ANKRD13A: variants seen among roughly 807,000 people sequenced by gnomAD.
The protein encoded by ANKRD13A is ankyrin repeat domain-containing protein 13A.
Under a neutral mutation model 81.3 loss-of-function variants are expected in ANKRD13A, and 48 were observed. The ratio of observed to expected loss-of-function variants is 0.59; its 90% CI spans 0.47 to 0.75. The LOEUF is 0.75. Ranked by LOEUF, ANKRD13A falls within the 30% of genes least tolerant of loss-of-function variation. The probability of loss-of-function intolerance (pLI) is 0.00; values close to 1 mark genes in which losing one functional copy is unlikely to be tolerated. For synonymous variants in ANKRD13A, 230 were observed against 270.1 expected (o/e 0.85, Z 1.45); for missense variants, 612 against 734.0 (o/e 0.83, Z 1.92).
At chr12:110,021,425 C>CTTTTTTTTTTTTTTTTTT (rs59262099) in intron 6 of ANKRD13A, 1 of 129,926 alleles carries the variant, frequency 7.7e-6, no homozygotes, top group Non-Finnish European at 1.6e-5. Context: ...TTTTTTCTTT[C>CTTTTTTTTTTTTTTTTTT]TTTTTTTTTT....
chr12:110,024,041 A>G lies in ANKRD13A; in HGVS notation c.735-5A>G, dbSNP rs1891202442. On this transcript the variant is annotated splice_polypyrimidine_tract_variant and splice_region_variant and intron_variant, in intron 6 of 14. Transcript: ENST00000261739. Reference sequence around the variant, plus strand: ...TAGAAATTTGTGGTGTTCACTTTTTATCAGAACTAAATCCGGATTCTGGGG... The same window carrying G: ...TAGAAATTTGTGGTGTTCACTTTTTGTCAGAACTAAATCCGGATTCTGGGG... The G allele has an allele frequency of 4.3e-6, 7 of 1,613,464 alleles. No homozygotes were observed. Among genetic ancestry groups the G allele is most frequent in the South Asian group, 1.1e-5 (1 of 90,952 alleles).
intron 8 of ANKRD13A, chr12:110,027,437 G>T (rs1292928425): frequency 7.2e-5 from 29 of 400,246 alleles, no homozygotes; most frequent in Non-Finnish European, 1.3e-4. Flanking sequence ...GGTGGGGTTG[G>T]AATCCAGGTC....
intron 1 of ANKRD13A, among the ~76,000 whole-genome samples, chr12:110,007,675 A>T (rs1438886794): frequency 6.6e-6 from 1 of 152,040 alleles, no homozygotes; most frequent in Non-Finnish European, 1.5e-5. Context: ...CCACCACACC[A>T]GGCCAGTTCT....
intron 3 of ANKRD13A, among the ~76,000 whole-genome samples, chr12:110,015,793 C>T (rs1467943159): frequency 2.6e-5 from 4 of 151,948 alleles, no homozygotes; most frequent in Admixed American, 6.6e-5. Flanking sequence ...CTCATCCACC[C>T]GCCTCGGCCT....
rs1044994 is a variant in ANKRD13A at position 110,038,790 on chromosome 12, T to A, written c.*1236T>A. On this transcript the variant is annotated 3_prime_UTR_variant, in exon 15 of 15. Transcript: ENST00000261739. Reference sequence around the variant, plus strand: ...CTCTCTTTTGTCAAACCCTCTTGTATATAACCATCGCACAACATACAGAAC... The same window carrying A: ...CTCTCTTTTGTCAAACCCTCTTGTAAATAACCATCGCACAACATACAGAAC... The A allele has an allele frequency of 0.19, 28,492 of 152,206 alleles. 4,903 individuals carry two copies. The highest frequency in any genetic ancestry group is 0.46 in the African/African-American group (19,229 of 41,426). The allele number at this position is 152,206 out of a possible 1,614,324, so 9.4% of individuals were successfully genotyped here.
chr12:110,023,452 G>A (rs139629684), intron 6 of ANKRD13A, among the ~76,000 whole-genome samples: 16 of 152,244 alleles, frequency 1.1e-4, no homozygotes, highest in Admixed American at 7.8e-4. Context: ...CACATCCTTT[G>A]CCCTGCTGCA....
At position 109,999,638 on chromosome 12, in the gene ANKRD13A, G is replaced by C. The variant is rs1889835130; in HGVS notation, c.-51G>C. The C allele has an allele frequency of 1.4e-6, 2 of 1,444,574 alleles. No homozygotes were observed. Among genetic ancestry groups the C allele is most frequent in the African/African-American group, 1.5e-5 (1 of 68,194 alleles). The allele number at this position is 1,444,574 out of a possible 1,614,324, so 89.5% of individuals were successfully genotyped here. A position where few individuals can be genotyped will look rare whatever the true frequency, so the allele number is the denominator to read the frequency against. Reference sequence around the variant, plus strand: ...GCAGGCGGGCGCGGGAGACCCCGCCGGGGCCGAGACTTGGGGCGGGCGACG... The same window carrying C: ...GCAGGCGGGCGCGGGAGACCCCGCCCGGGCCGAGACTTGGGGCGGGCGACG... On this transcript the variant is annotated 5_prime_UTR_variant, in exon 1 of 15. Coordinates refer to ENST00000261739, the MANE Select transcript of ANKRD13A (RefSeq NM_033121.2). The surrounding 1 kb of genome is among the most constrained non-coding windows in gnomAD (Gnocchi z 4.3).
intron 6 of ANKRD13A, chr12:110,021,806 GC>G (rs1438314147): frequency 6.6e-6 from 1 of 152,122 alleles, no homozygotes; most frequent in Non-Finnish European, 1.5e-5. Flanking sequence ...TTAATACCCT[GC>G]CCTGATGAAT....
chr12:109,999,238 T>A (rs934368451), upstream of ANKRD13A: 1 of 152,758 alleles, frequency 6.5e-6, no homozygotes, highest in Non-Finnish European at 1.4e-5. The surrounding 1 kb of genome is among the most constrained non-coding windows in gnomAD (Gnocchi z 4.3). Flanking sequence ...GACGGAACTT[T>A]CCGCGTGGAG....
chr12:110,000,817 G>A (rs1889923601), intron 1 of ANKRD13A, among the ~76,000 whole-genome samples: 1 of 149,504 alleles, frequency 6.7e-6, no homozygotes, highest in Non-Finnish European at 1.5e-5. Flanking sequence ...GAGTGCAATG[G>A]TGCGATCTCG....
chr12:110,034,547 C>T (rs901152783), intron 13 of ANKRD13A, among the ~76,000 whole-genome samples: 1 of 152,164 alleles, frequency 6.6e-6, no homozygotes, highest in Non-Finnish European at 1.5e-5. Flanking sequence ...AGAGATCCTC[C>T]CACCTCAGCC....
intron 1 of ANKRD13A, 126 bp from the exon 2 acceptor site, chr12:110,011,879 C>T: frequency 1.1e-6 from 1 of 870,370 alleles, no homozygotes; most frequent in African/African-American, 1.7e-5. Flanking sequence ...TACCTTCTTA[C>T]ATGTGTTGCT....
rs36087331 is a variant in ANKRD13A, at chr12:110,033,921, C to T, written c.1473C>T (p.Ala491=). 726 of 1,611,116 alleles carry T rather than the reference C, an allele frequency of 4.5e-4. No individual in the cohort carries two copies. The highest frequency in any genetic ancestry group is 5.7e-4 in the Non-Finnish European group (670 of 1,178,630). ...AAGATTACGAGATAATGCAGTTTGC[C>T]ATCCAGCAAAGTCTGCTGGAGTCCA... ...QDEDYEIMQF[A]IQQSLLESSR... Residue 491 remains alanine (A), a synonymous_variant, in exon 13 of 15, where the codon GCC becomes GCT. Coordinates refer to ENST00000261739, the MANE Select transcript of ANKRD13A (RefSeq NM_033121.2).
chr12:110,016,622 A>T (rs961629588), intron 4 of ANKRD13A, among the ~76,000 whole-genome samples, 189 bp downstream of exon 4: 2 of 152,134 alleles, frequency 1.3e-5, no homozygotes, highest in Non-Finnish European at 2.9e-5. Flanking sequence ...GGTGTTTTTC[A>T]TCCGGTCTTC....
At chr12:110,037,292 G>C (rs1892120951) in intron 14 of ANKRD13A, 67 bp from the exon 15 acceptor site, 1 of 1,476,460 alleles carries the variant, frequency 6.8e-7, no homozygotes, top group African/African-American at 1.4e-5. Context: ...GTTAAGAAAT[G>C]TAGTTACTGC....
At chr12:110,024,136 G>A (rs1891207857) in intron 7 of ANKRD13A, 24 bp downstream of exon 7, 1 of 1,576,700 alleles carries the variant, frequency 6.3e-7, no homozygotes, top group Admixed American at 1.9e-5. Context: ...CTTAAAATAA[G>A]ATTTAATATA....
chr12:110,027,793 G>A (rs772536621), intron 9 of ANKRD13A, 27 bp downstream of exon 9: 1 of 1,609,934 alleles, frequency 6.2e-7, no homozygotes, highest in Non-Finnish European at 8.5e-7. Flanking sequence ...AGCTTTCATT[G>A]CAGTTAGATG....
chr12:110,034,718 T>C (rs956565260), intron 13 of ANKRD13A, among the ~76,000 whole-genome samples: 17 of 152,248 alleles, frequency 1.1e-4, no homozygotes, highest in Admixed American at 1.1e-3. Context: ...TCCTTCCTTC[T>C]GTGCCTCCTG....
chr12:110,037,725 G>C lies in ANKRD13A; in HGVS notation c.*171G>C, dbSNP rs567040715. 3.2e-6 allele frequency: 2 copies of C among 623,898 alleles called. No individual in the cohort carries two copies. Among genetic ancestry groups the C allele is most frequent in the Non-Finnish European group, 5.3e-6 (2 of 376,572 alleles). 38.6% of individuals were successfully genotyped at this position (623,898 alleles called of 1,614,324 possible). Reference sequence around the variant, plus strand: ...ACCAGGGACTCCTGGGCCCATCCAGGCTGCTCCCTGGGGTGGAGAAGGGAC... The same window carrying C: ...ACCAGGGACTCCTGGGCCCATCCAGCCTGCTCCCTGGGGTGGAGAAGGGAC... On this transcript the variant is annotated 3_prime_UTR_variant, in exon 15 of 15. Coordinates refer to ENST00000261739, the MANE Select transcript of ANKRD13A (RefSeq NM_033121.2).
Sources: gnomAD v4.1 joint callset for allele counts (sites outside exome capture counted in the v4.1 genomes callset) on GRCh38, gnomAD v4.1.1 for gene constraint, Gnocchi (gnomAD v3.1) non-coding constraint, MANE v1.5 for transcripts, NCBI Gene and HGNC (gene_info 2026-07-23, HGNC 2026-07-21) for gene names.